Variants in SOX6 observed in about 807,000 individuals in gnomAD.
The protein encoded by SOX6 is SRY-box transcription factor 6.
Under a neutral mutation model 97.8 loss-of-function variants are expected in SOX6, and 11 were observed. The observed-to-expected ratio is 0.11, with a 90% CI of 0.07 to 0.19. SOX6 has a LOEUF of 0.19. SOX6 is among the 10% of genes least tolerant of loss of function. SOX6 has a pLI of 1.00. For missense variants in SOX6, 810 were observed against 1,039.5 expected, an observed-to-expected ratio of 0.78 and a Z score of 3.04; for synonymous variants, 360 against 371.4, an observed-to-expected ratio of 0.97 and a Z score of 0.35.
chr11:16,525,093 G>C (rs568549844), intron 4 of SOX6, among the ~76,000 whole-genome samples: 1 of 152,150 alleles, frequency 6.6e-6, no homozygotes, highest in Non-Finnish European at 1.5e-5. Flanking sequence ...TCCCCATCAA[G>C]CTACCAAGGA....
At chr11:16,727,610 G>C (rs995194130) in intron 2 of SOX6, among the ~76,000 whole-genome samples, 1 of 135,706 alleles carries the variant, frequency 7.4e-6, no homozygotes, top group African/African-American at 2.7e-5. Flanking sequence ...TTTTTTTTTT[G>C]TATTTTTAGT....
At chr11:16,360,567 C>T (rs1279795752), upstream of SOX6, among the ~76,000 whole-genome samples, 1 of 152,178 alleles carries the variant, frequency 6.6e-6, no homozygotes, top group African/African-American at 2.4e-5. Context: ...ACTGCCCAAA[C>T]ATATCTTATA....
chr11:16,350,080 A>C (rs1266195558), intron 1 of SOX6, among the ~76,000 whole-genome samples: 3 of 152,248 alleles, frequency 2.0e-5, no homozygotes, highest in Middle Eastern at 3.2e-3. Context: ...AGTGAAATGA[A>C]TTGAGGCTCA....
chr11:16,569,648 C>T (rs1847915342), intron 4 of SOX6, among the ~76,000 whole-genome samples: 1 of 151,950 alleles, frequency 6.6e-6, no homozygotes, highest in Non-Finnish European at 1.5e-5. Context: ...AAAATGATCA[C>T]CTGAGGTCAG....
At chr11:16,145,562 T>C (rs1366367399) in intron 6 of SOX6, among the ~76,000 whole-genome samples, 1 of 152,202 alleles carries the variant, frequency 6.6e-6, no homozygotes, top group African/African-American at 2.4e-5. Flanking sequence ...AGTCAAATTG[T>C]GTCTGTTTGT....
At chr11:16,369,358 T>C (rs1466273190) in intron 1 of SOX6, among the ~76,000 whole-genome samples, 1 of 152,134 alleles carries the variant, frequency 6.6e-6, no homozygotes, top group African/African-American at 2.4e-5. Flanking sequence ...TAATCTCTAT[T>C]TTTTCTTTTT....
At chr11:16,001,161 G>A (rs771910611) in intron 13 of SOX6, among the ~76,000 whole-genome samples, 12 of 151,974 alleles carry the variant, frequency 7.9e-5, no homozygotes, top group Non-Finnish European at 1.0e-4. Flanking sequence ...CACTGCTCTC[G>A]GCTGGAAACA....
At chr11:16,436,370 A>C (rs1030183817) in intron 1 of SOX6, among the ~76,000 whole-genome samples, 16 of 151,256 alleles carry the variant, frequency 1.1e-4, no homozygotes, top group African/African-American at 3.9e-4. Flanking sequence ...AAGGTGTTCT[A>C]TCTCTCATTT....
chr11:16,396,120 G>A (rs1047506488), intron 1 of SOX6, among the ~76,000 whole-genome samples: 2 of 151,556 alleles, frequency 1.3e-5, no homozygotes, highest in East Asian at 3.9e-4. Context: ...GATGTTAGGG[G>A]TTCTTTAATT....
At chr11:16,310,927 AC>A (rs966046987) in intron 3 of SOX6, among the ~76,000 whole-genome samples, 5 of 152,186 alleles carry the variant, frequency 3.3e-5, no homozygotes, top group Admixed American at 1.3e-4. Flanking sequence ...TAAAAAAAAA[AC>A]ATGGGCTTTT....
chr11:16,523,203 C>T lies in SOX6; in HGVS notation n.610-46815G>A, dbSNP rs559106612. Among the ~76,000 whole-genome samples the T allele has an allele frequency of 1.2e-3, 179 of 152,172 alleles. 1 individual carries two copies. In the South Asian group the frequency reaches 0.037, roughly 31 times the overall value. ...ATTTTTTTTCAGCACCACACCACACCTATTCCAAAATTGACCACATACTTG... is the reference window on the plus strand; with the variant it reads ...ATTTTTTTTCAGCACCACACCACACTTATTCCAAAATTGACCACATACTTG... On this transcript the variant is annotated intron_variant and non_coding_transcript_variant, in intron 4 of 5. Coordinates refer to the SOX6 transcript ENST00000524520.
chr11:16,581,406 C>T (rs975383050), intron 4 of SOX6, among the ~76,000 whole-genome samples: 2 of 152,040 alleles, frequency 1.3e-5, no homozygotes, highest in Admixed American at 1.3e-4. Flanking sequence ...ACAATGAGAA[C>T]ACATGGACAC....
At chr11:16,349,411 G>A (rs1463453641) in intron 1 of SOX6, among the ~76,000 whole-genome samples, 2 of 140,350 alleles carry the variant, frequency 1.4e-5, no homozygotes, top group African/African-American at 5.4e-5. Context: ...GAGGTCAGGA[G>A]TTTGAGACCA....
intron 3 of SOX6, among the ~76,000 whole-genome samples, chr11:16,706,449 C>CCAAAAAAA (rs1848132938): frequency 4.1e-4 from 1 of 2,450 alleles, no homozygotes; most frequent in African/African-American, 1.6e-3. Flanking sequence ...GAACCTATCA[C>CCAAAAAAA]AAAAAAAAAA....
At chr11:16,495,221 TC>T (rs1590222866) in intron 4 of SOX6, among the ~76,000 whole-genome samples, 1 of 152,002 alleles carries the variant, frequency 6.6e-6, no homozygotes. Context: ...AAGCACATGC[TC>T]CCTAGCCACC....
chr11:16,284,754 C>T (rs1214530767), intron 3 of SOX6, among the ~76,000 whole-genome samples: 2 of 152,098 alleles, frequency 1.3e-5, no homozygotes, highest in African/African-American at 2.4e-5. Context: ...TCTACCCCTA[C>T]GTCCATACCA....
chr11:16,656,365 C>T (rs941572799), intron 3 of SOX6, among the ~76,000 whole-genome samples: 3 of 152,120 alleles, frequency 2.0e-5, no homozygotes, highest in Non-Finnish European at 4.4e-5. Context: ...CATGAGCCAC[C>T]GTGCCAGGCC....
intron 2 of SOX6, among the ~76,000 whole-genome samples, chr11:16,325,258 A>C (rs1856050961): frequency 6.6e-6 from 1 of 152,192 alleles, no homozygotes; most frequent in Admixed American, 6.5e-5. Flanking sequence ...GAAAAAAAGC[A>C]TATACTGTAG....
chr11:16,666,410 G>A (rs1160063312), intron 3 of SOX6, among the ~76,000 whole-genome samples: 1 of 152,168 alleles, frequency 6.6e-6, no homozygotes, highest in Non-Finnish European at 1.5e-5. Flanking sequence ...TTCTGGAGTT[G>A]AAAAATGCAA....
Sources: gnomAD v4.1 joint callset for allele counts (sites outside exome capture counted in the v4.1 genomes callset) on GRCh38, gnomAD v4.1.1 for gene constraint, MANE v1.5 for transcripts, NCBI Gene and HGNC (gene_info 2026-07-23, HGNC 2026-07-21) for gene names.